SDK2: variants seen among roughly 807,000 people sequenced by gnomAD.
SDK2 encodes sidekick cell adhesion molecule 2.
A neutral mutation model predicts 253.9 loss-of-function variants in SDK2; 105 were observed. The observed-to-expected ratio is 0.41, with a 90% CI of 0.35 to 0.49. SDK2 has a LOEUF of 0.49. SDK2 is among the 20% of genes least tolerant of loss of function. The pLI, the probability that SDK2 is intolerant of heterozygous loss-of-function variation, is 0.06. For synonymous variants in SDK2, 1,249 were observed against 1,234.9 expected, an observed-to-expected ratio of 1.01 and a Z score of -0.24; for missense variants, 2,608 against 3,003.0, an observed-to-expected ratio of 0.87 and a Z score of 3.07.
intron 24 of SDK2, among the ~76,000 whole-genome samples, chr17:73,396,321 G>A (rs1243895088): frequency 1.3e-5 from 2 of 152,150 alleles, no homozygotes; most frequent in African/African-American, 4.8e-5. Context: ...TGTGCACACA[G>A]GGAGGGGAGC....
intron 18 of SDK2, among the ~76,000 whole-genome samples, chr17:73,408,699 C>T (rs1260617054): frequency 6.6e-6 from 1 of 151,708 alleles, no homozygotes; most frequent in Non-Finnish European, 1.5e-5. Flanking sequence ...AAGTTTCTTC[C>T]CAAATAAATT....
chr17:73,437,800 C>T lies in SDK2; in HGVS notation c.939G>A (p.Glu313=). ...SVLEPPQFVK[E]PERHITAEME... is the part of the protein sequence containing the mutation. ...TCTCCGCAGTGATGTGTCTTTCTGG[C>T]TCCTTGACAAACTGAGGCGGTTCTG... The change falls in exon 8 of 45, where the codon GAG becomes GAA. Residue 313 remains glutamate, a synonymous_variant. Transcript: ENST00000392650. 1.2e-6 allele frequency: 2 copies of T among 1,613,990 alleles called. No individual in the cohort carries two copies. Among genetic ancestry groups the T allele is most frequent in the South Asian group, 2.2e-5 (2 of 91,086 alleles).
In SDK2 at chr17:73,350,717, G is replaced by A; in HGVS notation, c.5832C>T (p.Ile1944=). ...VVIALVGLIF[I]LLLVFVLIIR... Reference sequence around the variant, plus strand: ...TGATGAGCACGAAGACCAGAAGCAGGATGAAGATGAGGCCGACCAGGGCAA... The same window carrying A: ...TGATGAGCACGAAGACCAGAAGCAGAATGAAGATGAGGCCGACCAGGGCAA... Residue 1944 remains isoleucine (I), a synonymous_variant, in exon 42 of 45, where the codon ATC becomes ATT. Coordinates refer to ENST00000392650, the MANE Select transcript of SDK2 (RefSeq NM_001144952.2). 6.2e-7 allele frequency: 1 copy of A among 1,613,780 alleles called. No individual in the cohort carries two copies. The highest frequency in any genetic ancestry group is 1.1e-5 in the South Asian group (1 of 91,060).
chr17:73,459,080 C>T (rs1225493015), intron 3 of SDK2, among the ~76,000 whole-genome samples: 1 of 152,144 alleles, frequency 6.6e-6, no homozygotes, highest in Non-Finnish European at 1.5e-5. Context: ...ATCACCTAAG[C>T]TCAAACCCCT....
chr17:73,583,732 G>C (rs961854987), intron 1 of SDK2, among the ~76,000 whole-genome samples: 3 of 152,204 alleles, frequency 2.0e-5, no homozygotes, highest in African/African-American at 7.2e-5. Context: ...GCACACGGGT[G>C]GTGGGCTGGG....
At chr17:73,483,376 G>A (rs1407050220) in intron 2 of SDK2, among the ~76,000 whole-genome samples, 1 of 140,580 alleles carries the variant, frequency 7.1e-6, no homozygotes, top group Non-Finnish European at 1.5e-5. Context: ...GCAGTGGCGC[G>A]ATCTCGGCTC....
rs773439470 is a variant in SDK2 at position 73,398,053 on chromosome 17, G to T, written c.3336C>A (p.Ser1112Arg). 3 of 1,612,520 alleles carry T rather than the reference G, an allele frequency of 1.9e-6. No individual in the cohort carries two copies. In the South Asian group the frequency reaches 3.3e-5, roughly 18 times the overall value. The change falls in exon 24 of 45, where the codon AGC becomes AGA. Residue 1112 changes from serine to arginine, a missense_variant. Around this residue, in one of 2 missense-constraint regions of SDK2, gnomAD observed 1,505 missense variants for 1,859.1 expected, o/e 0.81. Transcript: ENST00000392650. ...GCCTTACCATCCAGCGCAGCCACAGGCTGGTCTCACTGGCTGTGCGCAGAG... is the reference window on the plus strand; with the variant it reads ...GCCTTACCATCCAGCGCAGCCACAGTCTGGTCTCACTGGCTGTGCGCAGAG... ...NVSLRTASET[S>R]LWLRWMPLPE...
At chr17:73,386,002 C>T in intron 31 of SDK2, 85 bp from the exon 32 acceptor site, 1 of 996,722 alleles carries the variant, frequency 1.0e-6, no homozygotes, top group South Asian at 1.6e-5. Flanking sequence ...TCTGCTAATA[C>T]TGGACTGCGG....
chr17:73,629,535 T>C lies in SDK2; in HGVS notation c.64+14490A>G, dbSNP rs756701742. ...GTCTATAATTGCTGCTTGGTATCAG[T>C]AAGGATGAAAAAGAAGACCCCAGCA... On this transcript the variant is annotated intron_variant, in intron 1 of 44. Transcript: ENST00000392650. The surrounding 1 kb of genome is among the most constrained non-coding windows in gnomAD (Gnocchi z 5.0). 6.6e-6 allele frequency among the ~76,000 whole-genome samples: 1 copy of C among 152,088 alleles called. No homozygotes were observed. The highest frequency in any genetic ancestry group is 1.5e-5 in the Non-Finnish European group (1 of 68,018).
In SDK2 at chr17:73,442,774, C is replaced by T. The variant is rs529300817; in HGVS notation, c.614-1851G>A. ...GTTACCATCATCCAACTCCCAGGGT[C>T]GATGATTGAAATGAACAAGAACTTC... On this transcript the variant is annotated intron_variant, in intron 5 of 44. Transcript: ENST00000392650. Among the ~76,000 whole-genome samples, 71 of 149,112 alleles carry T rather than the reference C, an allele frequency of 4.8e-4. No homozygotes were observed. The South Asian group carries it at 7.6e-3, about 16-fold the overall frequency.
chr17:73,456,813 C>T (rs538391327), intron 3 of SDK2, among the ~76,000 whole-genome samples: 5 of 152,212 alleles, frequency 3.3e-5, no homozygotes, highest in South Asian at 2.1e-4. Flanking sequence ...CCTGCCGGGG[C>T]GGGACAAGGG....
At chr17:73,393,919 A>G (rs1223082643) in intron 26 of SDK2, among the ~76,000 whole-genome samples, 170 bp from the exon 27 acceptor site, 1 of 152,210 alleles carries the variant, frequency 6.6e-6, no homozygotes, top group Non-Finnish European at 1.5e-5. Context: ...TCTAAAAGAT[A>G]ATGAAAAGCA....
chr17:73,361,176 G>T lies in SDK2; in HGVS notation c.5467+508C>A, dbSNP rs2062636837. Among the ~76,000 whole-genome samples the T allele has an allele frequency of 6.6e-6, 1 of 152,088 alleles. No individual in the cohort carries two copies. On this transcript the variant is annotated intron_variant, in intron 39 of 44. Coordinates refer to ENST00000392650, the MANE Select transcript of SDK2 (RefSeq NM_001144952.2). This position sits in a 1 kb window ranked among gnomAD's most constrained non-coding sequence, Gnocchi z 4.1. Reference sequence around the variant, plus strand: ...CTTTTGTCTAAGTGCAGACTGCCAGGTCCCACCTCAGCCCCAGGAAATCAA... The same window carrying T: ...CTTTTGTCTAAGTGCAGACTGCCAGTTCCCACCTCAGCCCCAGGAAATCAA...
intron 1 of SDK2, among the ~76,000 whole-genome samples, chr17:73,589,917 G>T (rs189469046): frequency 3.9e-5 from 6 of 152,356 alleles, no homozygotes; most frequent in African/African-American, 1.4e-4. Context: ...ACTGAAAAGG[G>T]GAGCGCCTTA....
chr17:73,555,282 C>T (rs2045125995), intron 1 of SDK2, among the ~76,000 whole-genome samples: 1 of 152,226 alleles, frequency 6.6e-6, no homozygotes, highest in Non-Finnish European at 1.5e-5. Flanking sequence ...TGGAACTGGC[C>T]TTGAAGGCTG....
At chr17:73,485,223 C>T (rs2145720246) in intron 2 of SDK2, among the ~76,000 whole-genome samples, 1 of 152,188 alleles carries the variant, frequency 6.6e-6, no homozygotes, top group South Asian at 2.1e-4. Flanking sequence ...TGGGCCTCTC[C>T]ACCTCCCTCC....
rs147113391 is a variant in SDK2 at position 73,393,356 on chromosome 17, G to A, written c.3898+204C>T. ...CTGAATCAGACGTCAAACTGCCTCC[G>A]CATTGTCCTCAGGGATACACAGGCT... On this transcript the variant is annotated intron_variant, in intron 27 of 44. Transcript: ENST00000392650. 2.6e-3 allele frequency among the ~76,000 whole-genome samples: 394 copies of A among 151,778 alleles called. 1 individual carries two copies. The highest frequency in any genetic ancestry group is 4.8e-3 in the Non-Finnish European group (323 of 67,928).
In SDK2 at chr17:73,335,599, G is replaced by C. The variant is rs2062371715; in HGVS notation, c.*2988C>G. On this transcript the variant is annotated 3_prime_UTR_variant, in exon 45 of 45. Coordinates refer to ENST00000392650, the MANE Select transcript of SDK2 (RefSeq NM_001144952.2). ...CCACAGCTGCAGGCCTGGGCTTCCAGCTGTGGCTGGGGCTGTGGAGACAAT... is the reference window on the plus strand; with the variant it reads ...CCACAGCTGCAGGCCTGGGCTTCCACCTGTGGCTGGGGCTGTGGAGACAAT... 6.6e-6 allele frequency: 1 copy of C among 152,300 alleles called. No individual in the cohort carries two copies. Among genetic ancestry groups the C allele is most frequent in the Non-Finnish European group, 1.5e-5 (1 of 68,092 alleles). 9.4% of individuals were successfully genotyped at this position (152,300 alleles called of 1,614,324 possible).
At chr17:73,573,522 G>A (rs764785403) in intron 1 of SDK2, among the ~76,000 whole-genome samples, 8 of 152,098 alleles carry the variant, frequency 5.3e-5, no homozygotes, top group Non-Finnish European at 2.9e-5. Flanking sequence ...CCTTGGAGTC[G>A]TCATTCAGTC....
Sources: gnomAD v4.1 joint callset for allele counts (sites outside exome capture counted in the v4.1 genomes callset) on GRCh38, gnomAD v4.1.1 for gene constraint, gnomAD v4.1.1 regional missense constraint, Gnocchi (gnomAD v3.1) non-coding constraint, MANE v1.5 for transcripts, NCBI Gene and HGNC (gene_info 2026-07-23, HGNC 2026-07-21) for gene names.